CDYL2: variants seen among roughly 807,000 people sequenced by gnomAD.
CDYL2 encodes chromodomain Y like 2.
Under a neutral mutation model 49.4 loss-of-function variants are expected in CDYL2, and 23 were observed. That is an observed-to-expected ratio of 0.47 (90% CI 0.34 to 0.66). CDYL2 has a LOEUF of 0.66. Among genes scored for constraint, CDYL2 ranks in the 30% least tolerant of loss-of-function variants. CDYL2 has a pLI of 0.01. For synonymous variants in CDYL2, 360 were observed against 268.8 expected, an observed-to-expected ratio of 1.34 and a Z score of -3.32; for missense variants, 678 against 656.4, an observed-to-expected ratio of 1.03 and a Z score of -0.36.
intron 1 of CDYL2, among the ~76,000 whole-genome samples, chr16:80,689,805 T>C (rs1193405799): frequency 6.6e-6 from 1 of 152,142 alleles, no homozygotes; most frequent in East Asian, 1.9e-4. Flanking sequence ...GAGCACAACA[T>C]AATATGTAGT....
At chr16:80,769,215 G>T (rs1038540923) in intron 1 of CDYL2, among the ~76,000 whole-genome samples, 1 of 152,168 alleles carries the variant, frequency 6.6e-6, no homozygotes, top group African/African-American at 2.4e-5. Context: ...CTGCATTCTG[G>T]GATAGGATCG....
chr16:80,608,458 GTGTATTTAC>G (rs1389475126), intron 5 of CDYL2, among the ~76,000 whole-genome samples: 1 of 152,198 alleles, frequency 6.6e-6, no homozygotes, highest in Non-Finnish European at 1.5e-5. Context: ...CAAAGGAGCT[GTGTATTTAC>G]TGTGACTCTG....
chr16:80,748,252 C>T (rs948014234), intron 1 of CDYL2, among the ~76,000 whole-genome samples: 1 of 146,804 alleles, frequency 6.8e-6, no homozygotes, highest in Non-Finnish European at 1.5e-5. Flanking sequence ...GTGGACCGGG[C>T]GCGCTGGCTC....
chr16:80,633,254 AC>A lies in CDYL2; in HGVS notation c.617-19del, dbSNP rs774833784. The A allele has an allele frequency of 2.6e-5, 42 of 1,605,160 alleles. No homozygotes were observed. The African/African-American group carries it at 3.9e-4, about 15-fold the overall frequency. ...AGCAGAGCCTTCCAAAACCAGATAA[AC>A]AATGTAAGAAACTGAAATGGACCAC... On this transcript the variant is annotated intron_variant, in intron 2 of 6. Transcript: ENST00000570137.
chr16:80,703,606 TGG>T (rs911854734), intron 1 of CDYL2, among the ~76,000 whole-genome samples: 5 of 152,052 alleles, frequency 3.3e-5, no homozygotes, highest in Non-Finnish European at 5.9e-5. Context: ...GGCCTCCCTG[TGG>T]GGTGCTCTAG....
intron 1 of CDYL2, among the ~76,000 whole-genome samples, chr16:80,767,865 T>A (rs1906779051): frequency 6.6e-6 from 1 of 152,204 alleles, no homozygotes; most frequent in South Asian, 2.1e-4. Context: ...AGTGGCACCT[T>A]GTTCACTGTG....
intron 1 of CDYL2, among the ~76,000 whole-genome samples, chr16:80,726,182 T>C (rs1905157009): frequency 1.3e-5 from 2 of 152,196 alleles, no homozygotes. Context: ...AAGATTCTAT[T>C]TTTGCGTACA....
intron 1 of CDYL2, among the ~76,000 whole-genome samples, chr16:80,741,073 T>C (rs1429523877): frequency 6.6e-6 from 1 of 151,088 alleles, no homozygotes; most frequent in African/African-American, 2.4e-5. Flanking sequence ...TACTGCCAAT[T>C]ATTAAAAAAT....
Position 80,760,475 on chromosome 16 carries a change from C to A in CDYL2, c.24+43675G>T, listed in dbSNP as rs551104272. Among the ~76,000 whole-genome samples the A allele has an allele frequency of 2.6e-5, 4 of 152,190 alleles. No homozygotes were observed. The South Asian group carries it at 8.3e-4, about 32-fold the overall frequency. Reference sequence around the variant, plus strand: ...AACGTAATTGTACATTTTAAAATAACTAAGAGTGTCAATGGATTGTTTATA... The same window carrying A: ...AACGTAATTGTACATTTTAAAATAAATAAGAGTGTCAATGGATTGTTTATA... On this transcript the variant is annotated intron_variant, in intron 1 of 6. Coordinates refer to ENST00000570137, the MANE Select transcript of CDYL2 (RefSeq NM_152342.4).
At chr16:80,630,326 G>A (rs1402914250) in intron 3 of CDYL2, among the ~76,000 whole-genome samples, 2 of 152,202 alleles carry the variant, frequency 1.3e-5, no homozygotes, top group African/African-American at 4.8e-5. Flanking sequence ...AGCACAACAT[G>A]TTTTCCATGA....
At chr16:80,729,632 A>G (rs1446394491) in intron 1 of CDYL2, among the ~76,000 whole-genome samples, 1 of 152,206 alleles carries the variant, frequency 6.6e-6, no homozygotes, top group Non-Finnish European at 1.5e-5. Context: ...CTCCAGCCCA[A>G]ATCAACAGAA....
chr16:80,618,360 G>A (rs1438706611), intron 4 of CDYL2, among the ~76,000 whole-genome samples: 2 of 152,226 alleles, frequency 1.3e-5, no homozygotes, highest in African/African-American at 2.4e-5. Context: ...GTTCTCAAGA[G>A]TCCAGAGACG....
At chr16:80,768,763 T>A (rs1906811580) in intron 1 of CDYL2, among the ~76,000 whole-genome samples, 1 of 152,222 alleles carries the variant, frequency 6.6e-6, no homozygotes, top group South Asian at 2.1e-4. Context: ...TCGCCTGGGT[T>A]CAGATCCTGC....
chr16:80,706,579 C>G (rs78284411), intron 1 of CDYL2, among the ~76,000 whole-genome samples: 1 of 152,208 alleles, frequency 6.6e-6, no homozygotes, highest in African/African-American at 2.4e-5. Flanking sequence ...ACAATTATCA[C>G]TGAGTTGCCA....
chr16:80,787,380 G>A (rs1411332855), intron 1 of CDYL2, among the ~76,000 whole-genome samples: 2 of 152,152 alleles, frequency 1.3e-5, no homozygotes, highest in Non-Finnish European at 2.9e-5. Flanking sequence ...ATGCCAAAAT[G>A]GAAGAGACTG....
intron 2 of CDYL2, among the ~76,000 whole-genome samples, chr16:80,683,682 G>A (rs772084240): frequency 6.6e-6 from 1 of 152,170 alleles, no homozygotes; most frequent in Non-Finnish European, 1.5e-5. Flanking sequence ...ACAGCATTAA[G>A]AGGAGGGGCC....
chr16:80,611,584 G>A (rs889447857), intron 5 of CDYL2, among the ~76,000 whole-genome samples: 1 of 152,176 alleles, frequency 6.6e-6, no homozygotes, highest in African/African-American at 2.4e-5. Flanking sequence ...TCAGATGTGG[G>A]ACCTATTTAA....
chr16:80,656,116 G>C (rs760586229), intron 2 of CDYL2, among the ~76,000 whole-genome samples: 1 of 152,160 alleles, frequency 6.6e-6, no homozygotes, highest in Non-Finnish European at 1.5e-5. Flanking sequence ...TAAAAGGTAG[G>C]GGCTAAAAGT....
intron 1 of CDYL2, among the ~76,000 whole-genome samples, chr16:80,765,876 CAAAAA>C (rs554710623): frequency 4.2e-5 from 2 of 47,174 alleles, no homozygotes; most frequent in African/African-American, 1.5e-4. Flanking sequence ...CCCTCATCTA[CAAAAA>C]AAAAAAAAAA....
Sources: gnomAD v4.1 joint callset for allele counts (sites outside exome capture counted in the v4.1 genomes callset) on GRCh38, gnomAD v4.1.1 for gene constraint, MANE v1.5 for transcripts, NCBI Gene and HGNC (gene_info 2026-07-23, HGNC 2026-07-21) for gene names.